Variants in FAM90A1 observed in about 807,000 individuals in gnomAD.
FAM90A1 encodes the protein family with sequence similarity 90 member A1, also known as protein FAM90A1.
In FAM90A1, 10 loss-of-function variants were observed where a neutral mutation model predicts 14.8. That is an observed-to-expected ratio of 0.67 (90% CI 0.42 to 1.14). The LOEUF (loss-of-function observed/expected upper bound fraction) is 1.14, where lower values mean the gene tolerates loss of function less well. Among genes scored for constraint, FAM90A1 ranks in the 50% most tolerant of loss-of-function variants. The pLI is 0.00. For synonymous variants in FAM90A1, 236 were observed against 248.4 expected (o/e 0.95, Z 0.47); for missense variants, 567 against 602.8 (o/e 0.94, Z 0.62).
In FAM90A1 at chr12:8,221,783, C is replaced by T. The variant is rs1591636715; in HGVS notation, c.*39G>A. 1.3e-6 allele frequency: 2 copies of T among 1,561,590 alleles called. No individual in the cohort carries two copies. The highest frequency in any genetic ancestry group is 1.7e-6 in the Non-Finnish European group (2 of 1,148,950). ...CAGTCCCACAGTCCCCTCCAAGTCA[C>T]GGGAGCTGGAGGCCAAGGAGCCCCT... is the stretch of plus-strand genomic sequence containing the variant. On this transcript the variant is annotated 3_prime_UTR_variant, in exon 7 of 7. Coordinates refer to ENST00000538603, the MANE Select transcript of FAM90A1 (RefSeq NM_018088.3).
Position 8,224,059 on chromosome 12 carries a change from C to A in FAM90A1, c.280G>T (p.Gly94Trp), listed in dbSNP as rs1948887975. ...PWKPQVEANP[G>W]PLNKDKGEKE... ...TCTCCCTTATCCTTGTTCAAGGGCC[C>A]AGGGTTCGCTTCAACCTGGGGCTTC... The change falls in exon 5 of 7, where the codon GGG becomes TGG. Residue 94 changes from glycine to tryptophan, a missense_variant. By Grantham distance (184) the Gly-to-Trp change is radical (BLOSUM62 -2). Transcript: ENST00000538603. 6 of 1,612,066 alleles carry A rather than the reference C, an allele frequency of 3.7e-6. No homozygotes were observed. In the East Asian group the frequency reaches 1.3e-4, roughly 36 times the overall value.
At chr12:8,224,541 G>A (rs187215412) in intron 4 of FAM90A1, among the ~76,000 whole-genome samples, 169 bp downstream of exon 4, 1 of 152,272 alleles carries the variant, frequency 6.6e-6, no homozygotes, top group East Asian at 1.9e-4. Flanking sequence ...GGGGCCTATC[G>A]GGCCGGGGAG....
chr12:8,222,822 A>C, intron 6 of FAM90A1, 38 bp from the exon 7 acceptor site: 1 of 1,561,930 alleles, frequency 6.4e-7, no homozygotes, highest in Non-Finnish European at 8.6e-7. Context: ...GAAGTTCCTC[A>C]GCATGGAGCC....
rs1948818640 is a variant in FAM90A1 at position 8,221,439 on chromosome 12, A to G, written c.*383T>C. On this transcript the variant is annotated 3_prime_UTR_variant, in exon 7 of 7. Transcript: ENST00000538603. ...GCACAGCGGAAGGGCTGCACCTCTC[A>G]GGGTTCCCTAACTTTTCCCTTATTC... is the stretch of plus-strand genomic sequence containing the variant. 1 of 367,484 alleles carries G rather than the reference A, an allele frequency of 2.7e-6. No homozygotes were observed. Among genetic ancestry groups the G allele is most frequent in the Non-Finnish European group, 5.2e-6 (1 of 193,410 alleles). 22.8% of individuals were successfully genotyped at this position (367,484 alleles called of 1,614,324 possible). A position where few individuals can be genotyped will look rare whatever the true frequency, so the allele number is the denominator to read the frequency against.
At position 8,221,894 on chromosome 12, in the gene FAM90A1, G is replaced by T. The variant is rs1948829230; in HGVS notation, c.1323C>A (p.Val441=). Residue 441 remains valine, a synonymous_variant, in exon 7 of 7, where the codon GTC becomes GTA. Coordinates refer to ENST00000538603, the MANE Select transcript of FAM90A1 (RefSeq NM_018088.3). ...GGTCCTCATAGAGGACGCTTGGTGG[G>T]ACACGAACACAGGGACCCTCAGACT... ...SEKSEGPCVR[V]PPSVLYEDLQ... is the part of the protein sequence containing the mutation. 1 of 1,596,484 alleles carries T rather than the reference G, an allele frequency of 6.3e-7. No homozygotes were observed. Among genetic ancestry groups the T allele is most frequent in the Non-Finnish European group, 8.5e-7 (1 of 1,179,780 alleles).
chr12:8,222,701 T>G lies in FAM90A1; in HGVS notation c.516A>C (p.Glu172Asp). The G allele has an allele frequency of 6.2e-7, 1 of 1,608,266 alleles. No individual in the cohort carries two copies. Among genetic ancestry groups the G allele is most frequent in the Non-Finnish European group, 8.5e-7 (1 of 1,179,836 alleles). Reference protein sequence around the residue: ...DPVLSDRSATEMSDRGSVLAS... With the variant: ...DPVLSDRSATDMSDRGSVLAS... ...CTAAGACGGAGCCCCTGTCAGACAT[T>G]TCGGTAGCTGAGCGATCAGAGAGGA... The change falls in exon 7 of 7, where the codon GAA (glutamate) becomes GAC (aspartate). Residue 172 changes from glutamate (E) to aspartate (D), a missense_variant. Glu to Asp is a conservative substitution (Grantham distance 45, BLOSUM62 2). Transcript: ENST00000538603.
At chr12:8,225,217 A>T (rs1948919348) in intron 3 of FAM90A1, among the ~76,000 whole-genome samples, 1 of 152,126 alleles carries the variant, frequency 6.6e-6, no homozygotes, top group East Asian at 1.9e-4. Context: ...AGACACGATG[A>T]CTCTATCTCC....
chr12:8,223,146 C>CAT (rs1948870462), intron 6 of FAM90A1, among the ~76,000 whole-genome samples: 3 of 152,254 alleles, frequency 2.0e-5, no homozygotes, highest in African/African-American at 7.2e-5. Flanking sequence ...TGAACATATG[C>CAT]ATGTTCCTGG....
In FAM90A1 at chr12:8,224,882, G is replaced by A. The variant is rs764092226; in HGVS notation, c.-50C>T. 6 of 1,600,152 alleles carry A rather than the reference G, an allele frequency of 3.7e-6. No homozygotes were observed. Among genetic ancestry groups the A allele is most frequent in the East Asian group, 2.2e-5 (1 of 44,880 alleles). ...CCGCCTTTTTCAGGGGTTGATTGTCGGGTCACCTGAAACACACACAAACAC... is the reference window on the plus strand; with the variant it reads ...CCGCCTTTTTCAGGGGTTGATTGTCAGGTCACCTGAAACACACACAAACAC... On this transcript the variant is annotated 5_prime_UTR_variant, in exon 4 of 7. Transcript: ENST00000538603.
Position 8,221,625 on chromosome 12 carries a change from C to G in FAM90A1, c.*197G>C, listed in dbSNP as rs1948822205. The G allele has an allele frequency of 4.5e-6, 3 of 661,268 alleles. No homozygotes were observed. Among genetic ancestry groups the G allele is most frequent in the South Asian group, 3.8e-5 (2 of 52,376 alleles). The allele number at this position is 661,268 out of a possible 1,614,324, so 41.0% of individuals were successfully genotyped here. A position where few individuals can be genotyped will look rare whatever the true frequency, so the allele number is the denominator to read the frequency against. On this transcript the variant is annotated 3_prime_UTR_variant, in exon 7 of 7. Coordinates refer to ENST00000538603, the MANE Select transcript of FAM90A1 (RefSeq NM_018088.3). ...GAGAACCATGCGAACTACAATGTCC[C>G]TCACCAGAATTCAACGTGGCAGAGT...
rs747082840 is a variant in FAM90A1 at position 8,221,951 on chromosome 12, G to A, written c.1266C>T (p.Ala422=). 1 of 1,596,670 alleles carries A rather than the reference G, an allele frequency of 6.3e-7. No homozygotes were observed. The highest frequency in any genetic ancestry group is 1.1e-5 in the South Asian group (1 of 90,990). The change falls in exon 7 of 7, where the codon GCC becomes GCT. Residue 422 remains alanine, a synonymous_variant. Coordinates refer to ENST00000538603, the MANE Select transcript of FAM90A1 (RefSeq NM_018088.3). ...PSFHSPEKPG[A]FLAQSPHVSE... ...AGACATGAGGGCTCTGAGCGAGGAA[G>A]GCTCCCGGCTTCTCAGGAGAGTGAA...
Position 8,224,192 on chromosome 12 carries a change from G to A in FAM90A1, c.147C>T (p.Ala49=), listed in dbSNP as rs1948891877. 6.2e-7 allele frequency: 1 copy of A among 1,611,892 alleles called. No homozygotes were observed. The highest frequency in any genetic ancestry group is 1.7e-5 in the Admixed American group (1 of 60,004). ...DPRLKCKNCE[A]FGHTARSTRC... ...TGGTACTTCTGGCCGTGTGGCCAAA[G>A]GCCTCACAGTTTTTGCACTTGAGCT... Residue 49 remains alanine, a synonymous_variant, in exon 5 of 7, where the codon GCC becomes GCT. Coordinates refer to ENST00000538603, the MANE Select transcript of FAM90A1 (RefSeq NM_018088.3).
chr12:8,225,635 G>A lies in FAM90A1; in HGVS notation c.-57+201C>T, dbSNP rs909546078. Among the ~76,000 whole-genome samples the A allele has an allele frequency of 5.9e-5, 9 of 151,786 alleles. No individual in the cohort carries two copies. In the South Asian group the frequency reaches 1.7e-3, roughly 28 times the overall value. ...AGCATGCTGCAGTACATTTCTTTTC[G>A]CATTCCCACCTTGGTCTTATCCCAC... On this transcript the variant is annotated intron_variant, in intron 3 of 6. Coordinates refer to ENST00000538603, the MANE Select transcript of FAM90A1 (RefSeq NM_018088.3).
Position 8,221,486 on chromosome 12 carries a change from A to T in FAM90A1, c.*336T>A. ...ATTCAGTCGTCTAGAGAGCAAATAC[A>T]CAGTAATTCCCCCGTTTCCTATTGA... On this transcript the variant is annotated 3_prime_UTR_variant, in exon 7 of 7. Coordinates refer to ENST00000538603, the MANE Select transcript of FAM90A1 (RefSeq NM_018088.3). 2.3e-6 allele frequency: 1 copy of T among 427,608 alleles called. No homozygotes were observed. The highest frequency in any genetic ancestry group is 2.1e-5 in the South Asian group (1 of 46,702). 26.5% of individuals were successfully genotyped at this position (427,608 alleles called of 1,614,324 possible).
chr12:8,222,831 C>A (rs9300121), intron 6 of FAM90A1, 47 bp from the exon 7 acceptor site: 10 of 1,549,412 alleles, frequency 6.5e-6, no homozygotes, highest in Middle Eastern at 2.3e-4. Flanking sequence ...CAGCATGGAG[C>A]CAACATGAAA....
In FAM90A1 at chr12:8,224,208, C is replaced by T. The variant is rs1357529116; in HGVS notation, c.131G>A (p.Cys44Tyr). ...GTGGCCAAAGGCCTCACAGTTTTTG[C>T]ACTTGAGCTGTGGGTGGAAAGGAAG... ...PPDEEDPRLK[C>Y]KNCEAFGHTA... The change falls in exon 5 of 7, where the codon TGC (cysteine) becomes TAC (tyrosine). Residue 44 changes from cysteine (C) to tyrosine (Y), a missense_variant. By Grantham distance (194) the Cys-to-Tyr change is radical. Coordinates refer to ENST00000538603, the MANE Select transcript of FAM90A1 (RefSeq NM_018088.3). 37 of 1,611,672 alleles carry T rather than the reference C, an allele frequency of 2.3e-5. No individual in the cohort carries two copies. The highest frequency in any genetic ancestry group is 3.1e-5 in the Non-Finnish European group (36 of 1,179,720).
In FAM90A1 at chr12:8,222,580, T is replaced by G. The variant is rs202119752; in HGVS notation, c.637A>C (p.Thr213Pro). ...TCGGGGCCCTGGTGCCTGACTGCAG[T>G]CTGAGGGATGTCGGCCGCAGCCCCT... ...QTGAAADIPQTAVRHQGPEPL... is the reference protein window; with the variant it reads ...QTGAAADIPQPAVRHQGPEPL... The change falls in exon 7 of 7, where the codon ACT becomes CCT. Residue 213 changes from threonine to proline, a missense_variant. Physicochemically the swap from Thr to Pro is conservative, Grantham distance 38. Coordinates refer to ENST00000538603, the MANE Select transcript of FAM90A1 (RefSeq NM_018088.3). The G allele has an allele frequency of 7.4e-6, 12 of 1,611,802 alleles. No individual in the cohort carries two copies. The highest frequency in any genetic ancestry group is 3.3e-5 in the South Asian group (3 of 90,992).
chr12:8,226,802 C>CTTTTTTTTTTTTT (rs71042351), intron 1 of FAM90A1, among the ~76,000 whole-genome samples: 13 of 79,806 alleles, frequency 1.6e-4, no homozygotes, highest in African/African-American at 5.2e-4. Context: ...TCATTGATGT[C>CTTTTTTTTTTTTT]TTTTTTTTTT....
At chr12:8,223,048 G>A (rs1023225165) in intron 6 of FAM90A1, among the ~76,000 whole-genome samples, 4 of 152,224 alleles carry the variant, frequency 2.6e-5, no homozygotes, top group South Asian at 2.1e-4. Flanking sequence ...GGATCAAAGC[G>A]CCTCCACTCA....
Sources: allele counts gnomAD v4.1 joint callset (sites outside exome capture counted in the v4.1 genomes callset), GRCh38; gene constraint gnomAD v4.1.1; transcripts MANE v1.5; gene names NCBI Gene and HGNC (gene_info 2026-07-23, HGNC 2026-07-21).